BCAS3: variants seen among roughly 807,000 people sequenced by gnomAD.
BCAS3 encodes BCAS4/BCAS3 fusion.
In BCAS3, 53 loss-of-function variants were observed where a neutral mutation model predicts 116.1. The observed-to-expected ratio is 0.46, with a 90% CI of 0.37 to 0.57. The LOEUF (loss-of-function observed/expected upper bound fraction) is 0.57, where lower values mean the gene tolerates loss of function less well. Among genes scored for constraint, BCAS3 ranks in the 20% least tolerant of loss-of-function variants. The probability of loss-of-function intolerance (pLI) is 0.00; values close to 1 mark genes in which losing one functional copy is unlikely to be tolerated. For synonymous variants in BCAS3, 391 were observed against 408.2 expected (o/e 0.96, Z 0.51); for missense variants, 917 against 1,165.4 (o/e 0.79, Z 3.10).
At chr17:60,889,221 A>C (rs987378588) in intron 9 of BCAS3, among the ~76,000 whole-genome samples, 1 of 152,196 alleles carries the variant, frequency 6.6e-6, no homozygotes, top group Admixed American at 6.5e-5. Context: ...ACTTGTCTTC[A>C]TTGGCCTCAG....
In BCAS3 at chr17:61,073,343, C is replaced by G. The variant is rs532447390; in HGVS notation, c.2030-1577C>G. On this transcript the variant is annotated intron_variant, in intron 19 of 23. Coordinates refer to ENST00000407086, the MANE Select transcript of BCAS3 (RefSeq NM_017679.5). This position sits in a 1 kb window ranked among gnomAD's most constrained non-coding sequence, Gnocchi z 4.6. ...GTGTATGCCTCTGCTGAGTAATTCA[C>G]TGAATTAGCATTTCTCCTCTTGCAG... 6.6e-6 allele frequency among the ~76,000 whole-genome samples: 1 copy of G among 152,306 alleles called. No individual in the cohort carries two copies. The highest frequency in any genetic ancestry group is 6.5e-5 in the Admixed American group (1 of 15,302).
intron 22 of BCAS3, among the ~76,000 whole-genome samples, chr17:61,288,317 C>T (rs1390537285): frequency 6.6e-6 from 1 of 151,972 alleles, no homozygotes; most frequent in East Asian, 1.9e-4. Context: ...TGATCTTTGT[C>T]AGTCTTACTT....
At chr17:60,977,491 T>TTTA (rs199534358) in intron 14 of BCAS3, among the ~76,000 whole-genome samples, 8,705 of 149,656 alleles carry the variant, frequency 0.058, 594 homozygotes, top group African/African-American at 0.15. Flanking sequence ...GCACTTTCTT[T>TTTA]TTATTATTAT....
At chr17:60,945,067 T>C (rs1027647622) in intron 13 of BCAS3, among the ~76,000 whole-genome samples, 1 of 152,152 alleles carries the variant, frequency 6.6e-6, no homozygotes, top group African/African-American at 2.4e-5. Context: ...AAAATTCTTG[T>C]ACTGTATAAA....
At chr17:60,687,311 ACAT>A (rs2034198148) in intron 3 of BCAS3, among the ~76,000 whole-genome samples, 1 of 152,160 alleles carries the variant, frequency 6.6e-6, no homozygotes, top group East Asian at 1.9e-4. Flanking sequence ...CTCTATAAAG[ACAT>A]CAGGTGATCC....
chr17:61,013,362 C>T lies in BCAS3; in HGVS notation c.1487-2389C>T, dbSNP rs2065234785. The stretch of plus-strand genomic sequence containing the variant: ...ATTCTTAATTTTCACCAGCTTGTGA[C>T]AGAAAGTTGCAGTCTGATTTCAAAT... On this transcript the variant is annotated intron_variant, in intron 15 of 23. Coordinates refer to ENST00000407086, the MANE Select transcript of BCAS3 (RefSeq NM_017679.5). The surrounding 1 kb of genome is among the most constrained non-coding windows in gnomAD (Gnocchi z 4.4). 6.6e-6 allele frequency among the ~76,000 whole-genome samples: 1 copy of T among 152,048 alleles called. No homozygotes were observed. The highest frequency in any genetic ancestry group is 1.5e-5 in the Non-Finnish European group (1 of 67,964).
intron 7 of BCAS3, among the ~76,000 whole-genome samples, chr17:60,834,771 A>G (rs1345527202): frequency 2.6e-5 from 4 of 151,728 alleles, no homozygotes; most frequent in African/African-American, 9.7e-5. Context: ...ATGACTCTGT[A>G]TTTTTTTGTT....
chr17:61,304,468 G>A lies in BCAS3; in HGVS notation c.2426-63859G>A, dbSNP rs117182173. On this transcript the variant is annotated intron_variant, in intron 22 of 23. Transcript: ENST00000407086. ...ACCCATATTAGTCATATACTATTTC[G>A]TGCCTAGAGTGTCCTTCTTGCTCTT... is the stretch of plus-strand genomic sequence containing the variant. Among the ~76,000 whole-genome samples, 62 of 152,210 alleles carry A rather than the reference G, an allele frequency of 4.1e-4. No individual in the cohort carries two copies. In the South Asian group the frequency reaches 6.0e-3, roughly 15 times the overall value.
chr17:61,329,019 C>G (rs1318773731), intron 22 of BCAS3, among the ~76,000 whole-genome samples: 1 of 151,546 alleles, frequency 6.6e-6, no homozygotes, highest in Admixed American at 6.6e-5. Flanking sequence ...CTCAGCCTCC[C>G]GAATAGCTGG....
chr17:60,695,836 G>C (rs1412212472), intron 4 of BCAS3, among the ~76,000 whole-genome samples: 1 of 151,782 alleles, frequency 6.6e-6, no homozygotes, highest in African/African-American at 2.4e-5. Flanking sequence ...TGGCCTCAAG[G>C]AATCCTCCTG....
At chr17:61,231,622 C>G (rs1003042024) in intron 22 of BCAS3, among the ~76,000 whole-genome samples, 1 of 152,066 alleles carries the variant, frequency 6.6e-6, no homozygotes, top group African/African-American at 2.4e-5. Context: ...GTAATCACAT[C>G]TGTAAGCACT....
intron 22 of BCAS3, among the ~76,000 whole-genome samples, chr17:61,090,877 A>G (rs1297249416): frequency 6.6e-6 from 1 of 152,144 alleles, no homozygotes; most frequent in African/African-American, 2.4e-5. Flanking sequence ...GGCTGGTCTC[A>G]GACTCCTGAC....
intron 12 of BCAS3, among the ~76,000 whole-genome samples, chr17:60,913,340 C>T (rs1425108600): frequency 1.3e-5 from 2 of 151,994 alleles, no homozygotes; most frequent in Non-Finnish European, 2.9e-5. Flanking sequence ...TTAAAAAATT[C>T]TGTTAGAGGA....
Position 61,005,928 on chromosome 17 carries a change from C to G in BCAS3, c.1487-9823C>G, listed in dbSNP as rs182033989. 7.1e-4 allele frequency among the ~76,000 whole-genome samples: 108 copies of G among 152,070 alleles called. 1 individual carries two copies. Among genetic ancestry groups the G allele is most frequent in the Admixed American group, 2.6e-3 (40 of 15,276 alleles). On this transcript the variant is annotated intron_variant, in intron 15 of 23. Coordinates refer to ENST00000407086, the MANE Select transcript of BCAS3 (RefSeq NM_017679.5). ...TGTCATCTAGCATTAGGTATATCTCCCAGTGCTATCCCTCCCCCTTCCCCC... is the reference window on the plus strand; with the variant it reads ...TGTCATCTAGCATTAGGTATATCTCGCAGTGCTATCCCTCCCCCTTCCCCC...
intron 5 of BCAS3, among the ~76,000 whole-genome samples, chr17:60,745,593 A>G (rs1472169682): frequency 6.6e-6 from 1 of 152,256 alleles, no homozygotes; most frequent in East Asian, 1.9e-4. Context: ...CTATAATAAT[A>G]AAATGTGGAC....
intron 6 of BCAS3, among the ~76,000 whole-genome samples, chr17:60,796,733 A>G (rs967721123): frequency 6.7e-6 from 1 of 149,130 alleles, no homozygotes; most frequent in African/African-American, 2.5e-5. Context: ...GATCTTTGTT[A>G]TTTCCTTTCT....
At chr17:61,207,017 C>A (rs904866182) in intron 22 of BCAS3, among the ~76,000 whole-genome samples, 4 of 151,674 alleles carry the variant, frequency 2.6e-5, no homozygotes. Context: ...ACGTAAGCTA[C>A]AACAGAGTAT....
At chr17:61,052,715 C>CTTTTTTTTTTTTTTT (rs60772345) in intron 19 of BCAS3, among the ~76,000 whole-genome samples, 1 of 124,944 alleles carries the variant, frequency 8.0e-6, no homozygotes, top group African/African-American at 2.8e-5. Flanking sequence ...TTCTTTCTTT[C>CTTTTTTTTTTTTTTT]TTTTTTTTTT....
chr17:60,946,916 AAAAAT>A (rs2145245892), intron 13 of BCAS3, among the ~76,000 whole-genome samples: 1 of 152,296 alleles, frequency 6.6e-6, no homozygotes, highest in African/African-American at 2.4e-5. Context: ...GCTTCAGGAA[AAAAAT>A]AAAATAAAAT....
Sources: allele counts gnomAD v4.1 joint callset (sites outside exome capture counted in the v4.1 genomes callset), GRCh38; gene constraint gnomAD v4.1.1; non-coding constraint Gnocchi (gnomAD v3.1); transcripts MANE v1.5; gene names NCBI Gene and HGNC (gene_info 2026-07-23, HGNC 2026-07-21).